GPRIN3: variants seen among roughly 807,000 people sequenced by gnomAD.
The protein encoded by GPRIN3 is G protein-regulated inducer of neurite outgrowth 3.
In GPRIN3, 12 loss-of-function variants were observed where a neutral mutation model predicts 13.7. The observed-to-expected ratio is 0.87, with a 90% CI of 0.56 to 1.42. The LOEUF (loss-of-function observed/expected upper bound fraction) is 1.42. Among genes scored for constraint, GPRIN3 ranks in the 40% most tolerant of loss-of-function variants. The pLI, the probability that GPRIN3 is intolerant of heterozygous loss-of-function variation, is 0.00. For synonymous variants in GPRIN3, 377 were observed against 372.7 expected (o/e 1.01, Z -0.13); for missense variants, 1,009 against 958.7 (o/e 1.05, Z -0.69).
chr4:89,295,717 T>G (rs1724713649), intron 1 of GPRIN3, among the ~76,000 whole-genome samples: 1 of 152,152 alleles, frequency 6.6e-6, no homozygotes, highest in African/African-American at 2.4e-5. Context: ...ACCAGCCCTC[T>G]CATTTCTAGA....
At chr4:89,274,740 A>C (rs1724047241) in intron 1 of GPRIN3, among the ~76,000 whole-genome samples, 1 of 152,202 alleles carries the variant, frequency 6.6e-6, no homozygotes, top group South Asian at 2.1e-4. Context: ...CTTTAAAAAA[A>C]TTACAGGTCT....
chr4:89,293,436 G>A (rs1724643637), intron 1 of GPRIN3, among the ~76,000 whole-genome samples: 2 of 152,200 alleles, frequency 1.3e-5, no homozygotes, highest in Admixed American at 1.3e-4. Context: ...TAGTCAACAA[G>A]TGCAGCTCAC....
At chr4:89,302,702 T>A (rs1479502544) in intron 1 of GPRIN3, among the ~76,000 whole-genome samples, 1 of 152,174 alleles carries the variant, frequency 6.6e-6, no homozygotes, top group Non-Finnish European at 1.5e-5. Context: ...TAAGAGTGTA[T>A]ACATTTTCTC....
At chr4:89,273,715 A>G (rs1724021398) in intron 1 of GPRIN3, among the ~76,000 whole-genome samples, 2 of 152,080 alleles carry the variant, frequency 1.3e-5, no homozygotes, top group Admixed American at 6.5e-5. Flanking sequence ...AAACAAACAC[A>G]TGCCTCATGA....
At chr4:89,261,111 C>T (rs994946875) in intron 1 of GPRIN3, among the ~76,000 whole-genome samples, 5 of 151,906 alleles carry the variant, frequency 3.3e-5, no homozygotes, top group Non-Finnish European at 5.9e-5. Flanking sequence ...CTTTGTAAGA[C>T]GTATTTAATA....
chr4:89,260,864 C>T (rs72872519), intron 1 of GPRIN3, among the ~76,000 whole-genome samples: 8,555 of 152,236 alleles, frequency 0.056, 780 homozygotes, highest in African/African-American at 0.19. Flanking sequence ...CAAAATACTG[C>T]TGACATCCAT....
rs1376747988 is a variant in GPRIN3 at position 89,238,503 on chromosome 4, G to C, written c.*9277C>G. 3 of 151,922 alleles carry C rather than the reference G, an allele frequency of 2.0e-5. No homozygotes were observed. Among genetic ancestry groups the C allele is most frequent in the African/African-American group, 7.3e-5 (3 of 41,286 alleles). 9.4% of individuals were successfully genotyped at this position (151,922 alleles called of 1,614,324 possible). On this transcript the variant is annotated 3_prime_UTR_variant, in exon 2 of 2. Transcript: ENST00000609438. Reference sequence around the variant, plus strand: ...GCCTGGACAATAAGGCAATCTAAGCGCCCTGGACCCCTACCCAGCTCTGTT... The same window carrying C: ...GCCTGGACAATAAGGCAATCTAAGCCCCCTGGACCCCTACCCAGCTCTGTT...
In GPRIN3 at chr4:89,249,857, T is replaced by A; in HGVS notation, c.254A>T (p.Asn85Ile). 6.2e-7 allele frequency: 1 copy of A among 1,614,204 alleles called. No homozygotes were observed. The highest frequency in any genetic ancestry group is 8.5e-7 in the Non-Finnish European group (1 of 1,180,032). Residue 85 changes from asparagine to isoleucine, a missense_variant, in exon 2 of 2, where the codon AAT (asparagine) becomes ATT (isoleucine). Transcript: ENST00000609438. ...QPDMSSPGVF[N>I]EVQKAPATFN... ...TGTGGCAGGTGCTTTCTGCACTTCA[T>A]TGAACACACCAGGAGAAGACATATC...
chr4:89,253,200 C>T (rs1578076374), intron 1 of GPRIN3, among the ~76,000 whole-genome samples: 3 of 152,094 alleles, frequency 2.0e-5, no homozygotes, highest in Admixed American at 2.0e-4. Context: ...CTCCAGAGGA[C>T]ACAGTGCAGG....
At chr4:89,288,662 C>T (rs1237427464) in intron 1 of GPRIN3, among the ~76,000 whole-genome samples, 1 of 152,178 alleles carries the variant, frequency 6.6e-6, no homozygotes, top group African/African-American at 2.4e-5. Context: ...TGCAGTTCTT[C>T]TAAAACTGGG....
rs548459178 is a variant in GPRIN3 at position 89,300,420 on chromosome 4, A to G, written c.-124+7195T>C. Among the ~76,000 whole-genome samples, 6 of 152,292 alleles carry G rather than the reference A, an allele frequency of 3.9e-5. No homozygotes were observed. In the East Asian group the frequency reaches 7.7e-4, roughly 20 times the overall value. ...ATATTGCTGTTCAGCTCCAGCCTAG[A>G]GAATGTGGGTGAGGGCTTCATTTTT... On this transcript the variant is annotated intron_variant, in intron 1 of 1. Transcript: ENST00000609438.
intron 1 of GPRIN3, among the ~76,000 whole-genome samples, chr4:89,300,861 C>A (rs1281001508): frequency 2.0e-5 from 3 of 152,170 alleles, no homozygotes; most frequent in Non-Finnish European, 4.4e-5. Flanking sequence ...AATGAACATG[C>A]ATTTACTAAC....
Position 89,248,011 on chromosome 4 carries a change from C to T in GPRIN3, c.2100G>A (p.Leu700=). 6.2e-7 allele frequency: 1 copy of T among 1,614,090 alleles called. No individual in the cohort carries two copies. The highest frequency in any genetic ancestry group is 8.5e-7 in the Non-Finnish European group (1 of 1,179,988). The change falls in exon 2 of 2, where the codon TTG becomes TTA. Residue 700 remains leucine, a synonymous_variant. Coordinates refer to ENST00000609438, the MANE Select transcript of GPRIN3 (RefSeq NM_198281.3). ...TCGCGATTCCCAGGGACTCTGCGTCCAAGGATGCACCATACACTTCCCAGG... is the reference window on the plus strand; with the variant it reads ...TCGCGATTCCCAGGGACTCTGCGTCTAAGGATGCACCATACACTTCCCAGG... ...GMTWEVYGAS[L]DAESLGIAIQ...
intron 1 of GPRIN3, among the ~76,000 whole-genome samples, chr4:89,302,086 C>T (rs1346168410): frequency 1.3e-5 from 2 of 152,112 alleles, no homozygotes; most frequent in South Asian, 2.1e-4. Context: ...CCAGCTGATC[C>T]CCACGATATT....
chr4:89,285,157 C>T (rs1474447818), intron 1 of GPRIN3, among the ~76,000 whole-genome samples: 1 of 150,630 alleles, frequency 6.6e-6, no homozygotes, highest in Non-Finnish European at 1.5e-5. Context: ...ACCCCTTCCC[C>T]CAAACTGCCT....
chr4:89,248,659 T>C lies in GPRIN3; in HGVS notation c.1452A>G (p.Gly484=). The change falls in exon 2 of 2, where the codon GGA becomes GGG. Residue 484 remains glycine (G), a synonymous_variant. Transcript: ENST00000609438. ...ATGGCCTGGTTTCAAATTTCCCCAA[T>C]CCATAACTTGTTTCAGCTTGACTGC... ...SACSQAETSY[G]LGKFETRPSE... 1.2e-6 allele frequency: 2 copies of C among 1,613,978 alleles called. No individual in the cohort carries two copies. Among genetic ancestry groups the C allele is most frequent in the Non-Finnish European group, 1.7e-6 (2 of 1,179,970 alleles).
intron 1 of GPRIN3, among the ~76,000 whole-genome samples, chr4:89,295,660 AC>A (rs759240366): frequency 1.1e-4 from 17 of 152,132 alleles, no homozygotes; most frequent in Non-Finnish European, 2.2e-4. Context: ...TTAAAAAAAA[AC>A]AAGTGGTGGG....
chr4:89,248,932 G>A lies in GPRIN3; in HGVS notation c.1179C>T (p.His393=), dbSNP rs1723210960. ...SQCPGIMPQV[H]IQAAAAESTA... ...TAGACTCAGCTGCAGCTGCCTGAAT[G>A]TGCACCTGTGGCATGATGCCAGGGC... The change falls in exon 2 of 2, where the codon CAC becomes CAT. Residue 393 remains histidine (H), a synonymous_variant. Transcript: ENST00000609438. 81 of 1,614,114 alleles carry A rather than the reference G, an allele frequency of 5.0e-5. No homozygotes were observed. The highest frequency in any genetic ancestry group is 6.7e-5 in the Non-Finnish European group (79 of 1,180,044).
rs1414236680 is a variant in GPRIN3 at position 89,243,818 on chromosome 4, A to C, written c.*3962T>G. 2.0e-5 allele frequency: 3 copies of C among 152,174 alleles called. No individual in the cohort carries two copies. The highest frequency in any genetic ancestry group is 4.4e-5 in the Non-Finnish European group (3 of 68,020). The allele number at this position is 152,174 out of a possible 1,614,324, so 9.4% of individuals were successfully genotyped here. A position where few individuals can be genotyped will look rare whatever the true frequency, so the allele number is the denominator to read the frequency against. ...ATACATATATGCAAACCTTATCCTA[A>C]TGTATTGTTTTTCTTTATACTGATT... On this transcript the variant is annotated 3_prime_UTR_variant, in exon 2 of 2. Transcript: ENST00000609438.
Sources: allele counts gnomAD v4.1 joint callset (sites outside exome capture counted in the v4.1 genomes callset), GRCh38; gene constraint gnomAD v4.1.1; transcripts MANE v1.5; gene names NCBI Gene and HGNC (gene_info 2026-07-23, HGNC 2026-07-21).